Variants in DNAH14 observed in about 807,000 individuals in gnomAD.
DNAH14 encodes the protein dynein axonemal heavy chain 14, also known as axonemal beta dynein heavy chain 14.
A neutral mutation model predicts 520.9 loss-of-function variants in DNAH14; 478 were observed. That is an observed-to-expected ratio of 0.92 (90% CI 0.85 to 0.99). The LOEUF (loss-of-function observed/expected upper bound fraction) is 0.99, where lower values mean the gene tolerates loss of function less well. DNAH14 is among the 50% of genes least tolerant of loss of function. The probability of loss-of-function intolerance (pLI) is 0.00; values close to 1 mark genes in which losing one functional copy is unlikely to be tolerated. For synonymous variants in DNAH14, 1,581 were observed against 1,757.2 expected (o/e 0.90, Z 2.51); for missense variants, 4,831 against 5,234.5 (o/e 0.92, Z 2.38).
At chr1:225,378,879 CAA>C (rs113657495) in intron 79 of DNAH14, among the ~76,000 whole-genome samples, 1 of 135,376 alleles carries the variant, frequency 7.4e-6, no homozygotes. Flanking sequence ...AACTCCGTCC[CAA>C]AAAAAAAAAA....
intron 7 of DNAH14, among the ~76,000 whole-genome samples, chr1:224,970,937 C>T (rs2061470350): frequency 6.6e-6 from 1 of 152,108 alleles, no homozygotes; most frequent in Admixed American, 6.6e-5. Context: ...ACAAACCAAA[C>T]AATTATCCTG....
intron 44 of DNAH14, among the ~76,000 whole-genome samples, chr1:225,254,495 A>T (rs1026496179): frequency 6.6e-6 from 1 of 152,214 alleles, no homozygotes; most frequent in Admixed American, 6.5e-5. Context: ...GAGACAGACC[A>T]TGTGCTGTAA....
intron 36 of DNAH14, among the ~76,000 whole-genome samples, chr1:225,179,577 A>T (rs1573771844): frequency 6.6e-6 from 1 of 152,242 alleles, no homozygotes; most frequent in East Asian, 1.9e-4. Flanking sequence ...TCTCACAACA[A>T]ATTGTTTTAG....
chr1:225,326,561 AGTT>A (rs1256337587), intron 64 of DNAH14, among the ~76,000 whole-genome samples: 1 of 152,116 alleles, frequency 6.6e-6, no homozygotes, highest in Non-Finnish European at 1.5e-5. Flanking sequence ...ACATTTTCAC[AGTT>A]GTTGTGCCTG....
At chr1:225,368,725 T>C (rs750089729) in intron 77 of DNAH14, among the ~76,000 whole-genome samples, 2 of 152,084 alleles carry the variant, frequency 1.3e-5, no homozygotes, top group Non-Finnish European at 2.9e-5. Flanking sequence ...CTGAGGAAAA[T>C]CTTGATTCTG....
chr1:225,259,031 T>C (rs2092837267), intron 45 of DNAH14, 90 bp from the exon 46 acceptor site: 1 of 1,310,238 alleles, frequency 7.6e-7, no homozygotes, highest in Non-Finnish European at 1.0e-6. Context: ...CAATTTTCAA[T>C]TGAGGGAGAA....
chr1:225,169,794 A>T (rs916745142), intron 36 of DNAH14, among the ~76,000 whole-genome samples: 6 of 152,198 alleles, frequency 3.9e-5, no homozygotes, highest in Admixed American at 3.3e-4. Context: ...CCTTGAGAAG[A>T]GTAACTCCAA....
At chr1:225,329,709 C>T (rs914285850) in intron 64 of DNAH14, among the ~76,000 whole-genome samples, 16 of 152,028 alleles carry the variant, frequency 1.1e-4, no homozygotes, top group Non-Finnish European at 1.6e-4. Flanking sequence ...CTTGAGAAAA[C>T]ATTGGGGAAA....
At chr1:225,049,765 T>C (rs987105713) in intron 15 of DNAH14, among the ~76,000 whole-genome samples, 1 of 121,558 alleles carries the variant, frequency 8.2e-6, no homozygotes, top group South Asian at 2.7e-4. Context: ...TATCTGTCTA[T>C]CTATCTACCT....
intron 72 of DNAH14, among the ~76,000 whole-genome samples, chr1:225,352,699 A>G (rs755672117): frequency 6.6e-6 from 1 of 151,944 alleles, no homozygotes; most frequent in African/African-American, 2.4e-5. Context: ...GTCTTATTAT[A>G]TGTATTAACA....
intron 75 of DNAH14, among the ~76,000 whole-genome samples, 167 bp from the exon 76 acceptor site, chr1:225,364,625 C>T (rs779491001): frequency 2.6e-5 from 4 of 152,032 alleles, no homozygotes; most frequent in East Asian, 1.9e-4. Flanking sequence ...ACTGATGGGT[C>T]GTGTGCAAAT....
chr1:225,254,159 G>A lies in DNAH14; in HGVS notation c.6865+1742G>A, dbSNP rs1202209600. Among the ~76,000 whole-genome samples the A allele has an allele frequency of 5.3e-5, 8 of 151,528 alleles. No individual in the cohort carries two copies. The South Asian group carries it at 1.3e-3, about 24-fold the overall frequency. On this transcript the variant is annotated intron_variant, in intron 44 of 85. Coordinates refer to ENST00000682510, the MANE Select transcript of DNAH14 (RefSeq NM_001367479.1). ...GATATGGAAAGTGCAGGGTAAGGACGGCAGGAAAAAATAGAATCCTGGATT... is the reference window on the plus strand; with the variant it reads ...GATATGGAAAGTGCAGGGTAAGGACAGCAGGAAAAAATAGAATCCTGGATT...
chr1:224,944,621 T>C (rs1558472572), intron 1 of DNAH14, among the ~76,000 whole-genome samples: 1 of 152,216 alleles, frequency 6.6e-6, no homozygotes. Flanking sequence ...GTTTTTGCAG[T>C]GGCTGGTACC....
intron 16 of DNAH14, among the ~76,000 whole-genome samples, chr1:225,050,619 G>A (rs554504678): frequency 5.6e-4 from 85 of 152,238 alleles, no homozygotes; most frequent in African/African-American, 1.7e-3. Context: ...ACGTAGGCTC[G>A]TCAGTTGTTG....
chr1:225,278,000 AGTT>A (rs1320440466), intron 54 of DNAH14, among the ~76,000 whole-genome samples: 2 of 152,022 alleles, frequency 1.3e-5, no homozygotes, highest in South Asian at 2.1e-4. Context: ...ATTTATGACT[AGTT>A]GTTTATTTTA....
intron 1 of DNAH14, among the ~76,000 whole-genome samples, chr1:224,947,004 G>T (rs2059886175): frequency 6.9e-6 from 1 of 144,620 alleles, no homozygotes; most frequent in African/African-American, 2.6e-5. Flanking sequence ...TGCAAACTCT[G>T]CCTCCCAGGT....
chr1:225,051,830 G>A (rs1433782005), intron 17 of DNAH14, 35 bp downstream of exon 17: 4 of 1,349,856 alleles, frequency 3.0e-6, no homozygotes, highest in Non-Finnish European at 3.9e-6. Context: ...GTGTAAGAAT[G>A]TTTCAGATTA....
intron 28 of DNAH14, among the ~76,000 whole-genome samples, chr1:225,143,283 A>G (rs910067408): frequency 6.6e-6 from 1 of 152,210 alleles, no homozygotes; most frequent in South Asian, 2.1e-4. Context: ...TTAGGATAAC[A>G]AAATTTCTTC....
chr1:225,118,712 A>C (rs1453236983), intron 25 of DNAH14, among the ~76,000 whole-genome samples: 2 of 151,880 alleles, frequency 1.3e-5, no homozygotes, highest in Non-Finnish European at 2.9e-5. Context: ...GTGAAACCCT[A>C]TCTCTACTAA....
Sources: allele counts gnomAD v4.1 joint callset (sites outside exome capture counted in the v4.1 genomes callset), GRCh38; gene constraint gnomAD v4.1.1; transcripts MANE v1.5; gene names NCBI Gene and HGNC (gene_info 2026-07-23, HGNC 2026-07-21).